Variants in SYCE1L observed in about 807,000 individuals in gnomAD.
SYCE1L encodes synaptonemal complex central element protein 1-like.
SYCE1L carries 51 observed loss-of-function variants against 39.6 expected under a neutral mutation model. The observed-to-expected ratio is 1.29, with a 90% CI of 1.03 to 1.63. The LOEUF (loss-of-function observed/expected upper bound fraction) is 1.63. SYCE1L is among the 40% of genes most tolerant of loss of function. The pLI is 0.00. For synonymous variants in SYCE1L, 147 were observed against 122.4 expected, an observed-to-expected ratio of 1.20 and a Z score of -1.33; for missense variants, 426 against 304.9, an observed-to-expected ratio of 1.40 and a Z score of -2.96.
Position 77,199,506 on chromosome 16 carries a change from G to C in SYCE1L, c.55G>C (p.Ala19Pro). 3.9e-6 allele frequency: 6 copies of C among 1,551,486 alleles called. No homozygotes were observed. Among genetic ancestry groups the C allele is most frequent in the Non-Finnish European group, 5.2e-6 (6 of 1,146,934 alleles). Reference sequence around the variant, plus strand: ...GGAGGCGCCAGAAGCTACTGAGGAGGCTGAAGGTAGTGAGGGCAAGTGGGC... The same window carrying C: ...GGAGGCGCCAGAAGCTACTGAGGAGCCTGAAGGTAGTGAGGGCAAGTGGGC... ...NVEAPEATEE[A>P]EGQAKSLKTE... Residue 19 changes from alanine (A) to proline (P), a missense_variant, in exon 1 of 11, where the codon GCT (alanine) becomes CCT (proline). Ala to Pro is a conservative substitution (Grantham distance 27, BLOSUM62 -1). Coordinates refer to ENST00000378644, the MANE Select transcript of SYCE1L (RefSeq NM_001129979.3).
At chr16:77,203,469 A>G (rs1054776723) in intron 1 of SYCE1L, among the ~76,000 whole-genome samples, 6 of 152,158 alleles carry the variant, frequency 3.9e-5, no homozygotes, top group East Asian at 1.9e-4. Flanking sequence ...AATATTTCAA[A>G]AAAAAATCTA....
At chr16:77,212,240 G>T (rs1376806677) in intron 8 of SYCE1L, 41 bp downstream of exon 8, 5 of 1,540,260 alleles carry the variant, frequency 3.2e-6, no homozygotes, top group Admixed American at 2.0e-5. Context: ...AGGGGGATGT[G>T]CCCGGGCCTC....
chr16:77,205,013 C>G (rs1020864228), intron 1 of SYCE1L, among the ~76,000 whole-genome samples: 1 of 141,174 alleles, frequency 7.1e-6, no homozygotes, highest in Non-Finnish European at 1.5e-5. Flanking sequence ...CCACTGCACT[C>G]CAGCCTGGGT....
At chr16:77,207,205 A>G (rs898435709) in intron 2 of SYCE1L, among the ~76,000 whole-genome samples, 2 of 152,246 alleles carry the variant, frequency 1.3e-5, no homozygotes, top group African/African-American at 4.8e-5. Flanking sequence ...AGCACCGTGG[A>G]GAGCACCCAC....
chr16:77,199,578 C>T (rs939729932), intron 1 of SYCE1L, 66 bp downstream of exon 1: 7 of 1,227,430 alleles, frequency 5.7e-6, no homozygotes, highest in African/African-American at 3.1e-5. Context: ...GAGGATTCGT[C>T]CCATTACAAT....
In SYCE1L at chr16:77,212,997, C is replaced by G. The variant is rs1019253657; in HGVS notation, c.*66C>G. ...CGCCAAGAAATAAAGGCGATGATTTCCGACCATGCTCGCGTTCTCCGCGGA... is the reference window on the plus strand; with the variant it reads ...CGCCAAGAAATAAAGGCGATGATTTGCGACCATGCTCGCGTTCTCCGCGGA... On this transcript the variant is annotated 3_prime_UTR_variant, in exon 11 of 11. Transcript: ENST00000378644. The G allele has an allele frequency of 5.7e-6, 8 of 1,405,108 alleles. No individual in the cohort carries two copies. The African/African-American group carries it at 1.2e-4, about 21-fold the overall frequency. The allele number at this position is 1,405,108 out of a possible 1,614,324, so 87.0% of individuals were successfully genotyped here.
At chr16:77,208,304 G>A (rs930454616) in intron 3 of SYCE1L, 35 bp downstream of exon 3, 47 of 1,549,556 alleles carry the variant, frequency 3.0e-5, no homozygotes, top group Admixed American at 1.4e-4. Context: ...CAGCTGGGGC[G>A]AGCAGGAAGT....
At chr16:77,204,727 C>T (rs191169463) in intron 1 of SYCE1L, among the ~76,000 whole-genome samples, 2 of 152,196 alleles carry the variant, frequency 1.3e-5, no homozygotes, top group Admixed American at 6.5e-5. Context: ...GCATCATGTA[C>T]AACATGCTAC....
At position 77,212,873 on chromosome 16, in the gene SYCE1L, C is replaced by G. The variant is rs930329994; in HGVS notation, c.671C>G (p.Pro224Arg). 5.3e-6 allele frequency: 8 copies of G among 1,521,442 alleles called. No homozygotes were observed. The East Asian group carries it at 1.8e-4, about 34-fold the overall frequency. 94.2% of individuals were successfully genotyped at this position (1,521,442 alleles called of 1,614,324 possible). The change falls in exon 11 of 11, where the codon CCC becomes CGC. Residue 224 changes from proline (P) to arginine (R), a missense_variant. By Grantham distance (103) the Pro-to-Arg change is moderately radical. Transcript: ENST00000378644. ...AGEGEAGPEL[P>R]RARDEEDPEP... The stretch of plus-strand genomic sequence containing the variant: ...CCCCGGCAGGCCGGACCTGAGCTCC[C>G]CCGCGCTCGCGACGAGGAGGATCCC...
At chr16:77,210,497 C>G (rs1291630520) in intron 6 of SYCE1L, among the ~76,000 whole-genome samples, 1 of 152,134 alleles carries the variant, frequency 6.6e-6, no homozygotes, top group East Asian at 1.9e-4. Flanking sequence ...CATTTATGTA[C>G]CTAATCCTCA....
rs1240050919 is a variant in SYCE1L, at chr16:77,211,270, A to G, written c.417A>G (p.Glu139=). 3 of 1,551,868 alleles carry G rather than the reference A, an allele frequency of 1.9e-6. No individual in the cohort carries two copies. The highest frequency in any genetic ancestry group is 2.6e-6 in the Non-Finnish European group (3 of 1,147,028). ...DLMGQHKDLW[E]FHMLEQRLAR... ...TGGGCCAGCACAAGGACCTCTGGGA[A>G]TTCCACGTGAGCCATTATCATTGCC... The change falls in exon 7 of 11, where the codon GAA becomes GAG. Residue 139 remains glutamate, a synonymous_variant. Coordinates refer to ENST00000378644, the MANE Select transcript of SYCE1L (RefSeq NM_001129979.3).
chr16:77,202,950 G>T (rs1597381964), intron 1 of SYCE1L, among the ~76,000 whole-genome samples: 2 of 125,646 alleles, frequency 1.6e-5, no homozygotes, highest in South Asian at 2.8e-4. Flanking sequence ...ACCTCCCCTT[G>T]TTATTAAAGT....
At chr16:77,207,431 G>C (rs2054793194) in intron 2 of SYCE1L, among the ~76,000 whole-genome samples, 1 of 152,196 alleles carries the variant, frequency 6.6e-6, no homozygotes, top group East Asian at 1.9e-4. Context: ...TGAGAAGTTA[G>C]AGGTGATTCC....
intron 1 of SYCE1L, among the ~76,000 whole-genome samples, chr16:77,204,948 G>A (rs1296118706): frequency 6.6e-6 from 1 of 151,494 alleles, no homozygotes; most frequent in African/African-American, 2.4e-5. Flanking sequence ...AGGAGGCTGA[G>A]GCAGGAGAAT....
chr16:77,208,669 C>A, intron 4 of SYCE1L, 130 bp downstream of exon 4: 1 of 881,716 alleles, frequency 1.1e-6, no homozygotes, highest in Non-Finnish European at 1.7e-6. Flanking sequence ...CTTTCACTGT[C>A]TCATGTCATC....
At chr16:77,207,813 T>G (rs1316088932) in intron 2 of SYCE1L, among the ~76,000 whole-genome samples, 1 of 152,152 alleles carries the variant, frequency 6.6e-6, no homozygotes, top group African/African-American at 2.4e-5. Context: ...AATTTGCACT[T>G]GTTCCCTCTG....
At chr16:77,205,237 T>G (rs985377819) in intron 1 of SYCE1L, among the ~76,000 whole-genome samples, 4 of 151,584 alleles carry the variant, frequency 2.6e-5, no homozygotes, top group African/African-American at 9.7e-5. Context: ...TTCATTAACT[T>G]TTTGGCTATC....
In SYCE1L at chr16:77,209,132, G is replaced by C. The variant is rs1422678913; in HGVS notation, c.292G>C (p.Gly98Arg). Residue 98 changes from glycine to arginine, a missense_variant, in exon 5 of 11, where the codon GGC becomes CGC. Gly to Arg is a moderately radical substitution (Grantham distance 125). Transcript: ENST00000378644. ...GAAAGTGCACCTAGAGGAGGTCTTG[G>C]GCAAAAAGCAAGGTATTTACCAGTT... ...GEKVHLEEVLGKKQEALRILQ... is the reference protein window; with the variant it reads ...GEKVHLEEVLRKKQEALRILQ... 1 of 1,551,402 alleles carries C rather than the reference G, an allele frequency of 6.4e-7. No homozygotes were observed. Among genetic ancestry groups the C allele is most frequent in the Non-Finnish European group, 8.7e-7 (1 of 1,146,898 alleles).
chr16:77,204,843 G>A (rs552894137), intron 1 of SYCE1L, among the ~76,000 whole-genome samples: 24 of 152,006 alleles, frequency 1.6e-4, no homozygotes, highest in Middle Eastern at 3.4e-3. Context: ...TCAGGAGTTC[G>A]AGACCAGCCT....
Sources: gnomAD v4.1 joint callset for allele counts (sites outside exome capture counted in the v4.1 genomes callset) on GRCh38, gnomAD v4.1.1 for gene constraint, MANE v1.5 for transcripts, NCBI Gene and HGNC (gene_info 2026-07-23, HGNC 2026-07-21) for gene names.